The following TMEM266 variants were observed in gnomAD, a reference collection of about 807,000 sequenced individuals.
The protein encoded by TMEM266 is transmembrane protein 266.
Under a neutral mutation model 50.5 loss-of-function variants are expected in TMEM266, and 33 were observed. The ratio of observed to expected loss-of-function variants is 0.65; its 90% CI spans 0.50 to 0.87. The LOEUF (loss-of-function observed/expected upper bound fraction) is 0.87, where lower values mean the gene tolerates loss of function less well. TMEM266 is among the 40% of genes least tolerant of loss of function. TMEM266 has a pLI of 0.00. For missense variants in TMEM266, 655 were observed against 695.1 expected (o/e 0.94, Z 0.65); for synonymous variants, 310 against 292.3 (o/e 1.06, Z -0.62).
intron 1 of TMEM266, among the ~76,000 whole-genome samples, chr15:76,065,687 G>T (rs1017817486): frequency 1.3e-5 from 2 of 152,110 alleles, no homozygotes; most frequent in African/African-American, 4.8e-5. Context: ...GGATTAAATA[G>T]TATGCTTAGT....
rs142190466 is a variant in TMEM266, at chr15:76,103,456, C to T, written c.-96-30712C>T. Among the ~76,000 whole-genome samples the T allele has an allele frequency of 4.4e-4, 67 of 151,994 alleles. No homozygotes were observed. In the East Asian group the frequency reaches 0.012, roughly 28 times the overall value. On this transcript the variant is annotated intron_variant, in intron 1 of 10. Transcript: ENST00000388942. ...TTAAGGCTGCAGTAAGCCATGATCA[C>T]ACCACTCTCTCTAAGGTTTTTTGGC... is the stretch of plus-strand genomic sequence containing the variant.
At chr15:76,190,662 T>A (rs539156090) in intron 8 of TMEM266, among the ~76,000 whole-genome samples, 1 of 152,266 alleles carries the variant, frequency 6.6e-6, no homozygotes, top group East Asian at 1.9e-4. Context: ...TAAAATGAGA[T>A]AAAAACACTT....
At chr15:76,146,970 G>A (rs766771127) in intron 3 of TMEM266, among the ~76,000 whole-genome samples, 5 of 152,252 alleles carry the variant, frequency 3.3e-5, no homozygotes, top group African/African-American at 4.8e-5. Context: ...GCCTGGAACA[G>A]GGGTGTTGAC....
intron 9 of TMEM266, among the ~76,000 whole-genome samples, chr15:76,201,874 G>T (rs1476049122): frequency 6.6e-6 from 1 of 152,216 alleles, no homozygotes; most frequent in African/African-American, 2.4e-5. Context: ...AGGCCATCCA[G>T]ACAAGGAAAA....
At chr15:76,113,325 TAAAAG>T (rs1450037213) in intron 1 of TMEM266, 1 of 151,426 alleles carries the variant, frequency 6.6e-6, no homozygotes, top group Non-Finnish European at 1.5e-5. Context: ...AAATAAAAAA[TAAAAG>T]AAAGAAAGAA....
chr15:76,113,044 G>C (rs146910304), intron 1 of TMEM266: 3 of 152,264 alleles, frequency 2.0e-5, no homozygotes, highest in African/African-American at 7.2e-5. Flanking sequence ...GGCCAGGCGC[G>C]GTGGCTCACG....
chr15:76,081,075 TTCTC>T (rs934943692), intron 1 of TMEM266, among the ~76,000 whole-genome samples: 2 of 152,220 alleles, frequency 1.3e-5, no homozygotes, highest in African/African-American at 4.8e-5. Flanking sequence ...TGAAGGCCCT[TTCTC>T]TATTGGGATA....
chr15:76,172,320 C>T (rs2038198989), intron 7 of TMEM266, among the ~76,000 whole-genome samples: 1 of 152,244 alleles, frequency 6.6e-6, no homozygotes, highest in Non-Finnish European at 1.5e-5. Flanking sequence ...CCCTCTGAGG[C>T]ACCTCTAAGA....
At position 76,110,490 on chromosome 15, in the gene TMEM266, C is replaced by T. The variant is rs115920598; in HGVS notation, c.-96-23678C>T. The stretch of plus-strand genomic sequence containing the variant: ...AACGTTAGTGTATTTTATGTGTGGC[C>T]TAGGGAAGCCAAAAGATTGGACACC... On this transcript the variant is annotated intron_variant, in intron 1 of 10. Coordinates refer to ENST00000388942, the MANE Select transcript of TMEM266 (RefSeq NM_152335.3). Among the ~76,000 whole-genome samples the T allele has an allele frequency of 2.5e-3, 382 of 152,190 alleles. 2 individuals carry two copies. The highest frequency in any genetic ancestry group is 8.8e-3 in the African/African-American group (365 of 41,528).
At chr15:76,169,978 C>A in intron 6 of TMEM266, 106 bp downstream of exon 6, 1 of 1,243,670 alleles carries the variant, frequency 8.0e-7, no homozygotes, top group Non-Finnish European at 1.2e-6. Flanking sequence ...AAGGCTGGTT[C>A]CTTCTCCCAC....
intron 3 of TMEM266, among the ~76,000 whole-genome samples, chr15:76,152,163 C>A (rs1237087081): frequency 6.6e-6 from 1 of 152,192 alleles, no homozygotes; most frequent in Non-Finnish European, 1.5e-5. Context: ...TGACAGTGGT[C>A]TTCTGTCCTT....
intron 2 of TMEM266, among the ~76,000 whole-genome samples, chr15:76,137,195 A>C (rs901562493): frequency 2.6e-5 from 4 of 152,214 alleles, no homozygotes; most frequent in Non-Finnish European, 5.9e-5. Context: ...GGTCTCTACA[A>C]GTCTCCATGC....
chr15:76,127,832 G>A (rs761026661), intron 1 of TMEM266, among the ~76,000 whole-genome samples: 3 of 152,156 alleles, frequency 2.0e-5, no homozygotes, highest in African/African-American at 7.2e-5. Flanking sequence ...TTCTGATTCA[G>A]TAGATCAGAG....
intron 1 of TMEM266, among the ~76,000 whole-genome samples, chr15:76,081,166 C>T (rs930380797): frequency 9.9e-5 from 15 of 152,216 alleles, no homozygotes; most frequent in Admixed American, 2.0e-4. Context: ...TCTTGGCGTT[C>T]GTGTACCGAG....
intron 8 of TMEM266, chr15:76,175,984 G>A (rs543536851): frequency 7.5e-5 from 20 of 266,934 alleles, no homozygotes; most frequent in African/African-American, 1.8e-4. Context: ...GAGTCTTCTC[G>A]GAGACATGGT....
rs529058621 is a variant in TMEM266 at position 76,168,336 on chromosome 15, G to A, written c.457-1480G>A. Among the ~76,000 whole-genome samples, 1 of 152,328 alleles carries A rather than the reference G, an allele frequency of 6.6e-6. No individual in the cohort carries two copies. The highest frequency in any genetic ancestry group is 2.1e-4 in the South Asian group (1 of 4,828). On this transcript the variant is annotated intron_variant, in intron 5 of 10. Coordinates refer to ENST00000388942, the MANE Select transcript of TMEM266 (RefSeq NM_152335.3). The surrounding 1 kb of genome is among the most constrained non-coding windows in gnomAD (Gnocchi z 4.4). The stretch of plus-strand genomic sequence containing the variant: ...CCATCCCTTCACAGAAATCAAGATT[G>A]TCCTTCACGAGAAAGAGCTGGATTT...
intron 1 of TMEM266, among the ~76,000 whole-genome samples, chr15:76,089,619 T>G (rs904777331): frequency 6.6e-6 from 1 of 152,166 alleles, no homozygotes; most frequent in Non-Finnish European, 1.5e-5. Flanking sequence ...TTAAACATTC[T>G]GTGAGCAGGA....
Position 76,137,889 on chromosome 15 carries a change from G to C in TMEM266, c.221G>C (p.Arg74Thr), listed in dbSNP as rs1567163930. Residue 74 changes from arginine (R) to threonine (T), a missense_variant, in exon 3 of 11, where the codon AGA becomes ACA. Coordinates refer to ENST00000388942, the MANE Select transcript of TMEM266 (RefSeq NM_152335.3). ...TCAAATCTGGACGAAGATTACCAAA[G>C]AGAAGGGTAGGTGCTGGGACCATTG... 2 of 1,579,604 alleles carry C rather than the reference G, an allele frequency of 1.3e-6. No individual in the cohort carries two copies. Among genetic ancestry groups the C allele is most frequent in the Non-Finnish European group, 1.7e-6 (2 of 1,163,510 alleles).
chr15:76,158,988 C>CT (rs2037970738), intron 4 of TMEM266, among the ~76,000 whole-genome samples: 1 of 151,896 alleles, frequency 6.6e-6, no homozygotes, highest in Non-Finnish European at 1.5e-5. Context: ...CTGGCCCTCC[C>CT]TGCTGAAGGC....
Sources: gnomAD v4.1 joint callset for allele counts (sites outside exome capture counted in the v4.1 genomes callset) on GRCh38, gnomAD v4.1.1 for gene constraint, Gnocchi (gnomAD v3.1) non-coding constraint, MANE v1.5 for transcripts, NCBI Gene and HGNC (gene_info 2026-07-23, HGNC 2026-07-21) for gene names.